Variants in DPYD observed in about 807,000 individuals in gnomAD.
DPYD encodes dihydropyrimidine dehydrogenase.
In DPYD, 109 loss-of-function variants were observed where a neutral mutation model predicts 116.2. That is an observed-to-expected ratio of 0.94 (90% CI 0.80 to 1.10). The LOEUF (loss-of-function observed/expected upper bound fraction) is 1.10, where lower values mean the gene tolerates loss of function less well. Ranked by LOEUF, DPYD falls within the 50% of genes least tolerant of loss-of-function variation. The probability of loss-of-function intolerance (pLI) is 0.00; values close to 1 mark genes in which losing one functional copy is unlikely to be tolerated. For missense variants in DPYD, 1,302 were observed against 1,254.5 expected, an observed-to-expected ratio of 1.04 and a Z score of -0.57; for synonymous variants, 440 against 432.0, an observed-to-expected ratio of 1.02 and a Z score of -0.23.
At chr1:97,179,856 T>C (rs538245820) in intron 20 of DPYD, among the ~76,000 whole-genome samples, 1 of 152,228 alleles carries the variant, frequency 6.6e-6, no homozygotes, top group Non-Finnish European at 1.5e-5. Flanking sequence ...AGAGTGGATA[T>C]TTGATAATTA....
intron 19 of DPYD, among the ~76,000 whole-genome samples, chr1:97,199,783 T>C (rs920784563): frequency 1.3e-5 from 2 of 152,154 alleles, no homozygotes; most frequent in East Asian, 3.9e-4. Flanking sequence ...GATGATAACA[T>C]CTTATTGTTG....
intron 3 of DPYD, among the ~76,000 whole-genome samples, chr1:97,777,692 T>C (rs1290400688): frequency 6.6e-6 from 1 of 152,096 alleles, no homozygotes; most frequent in East Asian, 1.9e-4. Context: ...ATAATATTGG[T>C]AGGAAATTTA....
At chr1:97,131,952 G>A (rs1259699418) in intron 20 of DPYD, among the ~76,000 whole-genome samples, 1 of 152,032 alleles carries the variant, frequency 6.6e-6, no homozygotes, top group East Asian at 1.9e-4. Context: ...AAGACAAATG[G>A]TTGCCAGGGT....
chr1:97,304,736 T>C (rs1170151838), intron 18 of DPYD, among the ~76,000 whole-genome samples: 1 of 151,960 alleles, frequency 6.6e-6, no homozygotes, highest in African/African-American at 2.4e-5. Context: ...TCTTTCTTTT[T>C]CAAATTCAAG....
At chr1:97,490,827 T>TAA (rs33972983) in intron 13 of DPYD, among the ~76,000 whole-genome samples, 43,527 of 143,980 alleles carry the variant, frequency 0.3, 6,536 homozygotes, top group East Asian at 0.49. Flanking sequence ...AATGTAATGC[T>TAA]AAAAAAAAAA....
intron 5 of DPYD, among the ~76,000 whole-genome samples, chr1:97,706,446 T>G (rs1661961733): frequency 6.6e-6 from 1 of 152,036 alleles, no homozygotes; most frequent in African/African-American, 2.4e-5. Context: ...ATTATGAAAA[T>G]AGCATCATAG....
chr1:97,288,875 T>G (rs975288535), intron 18 of DPYD, among the ~76,000 whole-genome samples: 7 of 151,544 alleles, frequency 4.6e-5, no homozygotes, highest in Non-Finnish European at 8.8e-5. Flanking sequence ...AAAAAACCCT[T>G]CAAAAAATTA....
rs969252097 is a variant in DPYD at position 97,305,520 on chromosome 1, A to T, written c.2180-142T>A. On this transcript the variant is annotated intron_variant, in intron 17 of 22. Transcript: ENST00000370192. ...CTCCTCAAAGTTCTTCACTAATTTA[A>T]CTCCTACATTTATGTTTAAAATTTT... 8 of 1,114,724 alleles carry T rather than the reference A, an allele frequency of 7.2e-6. No homozygotes were observed. In the African/African-American group the frequency reaches 9.4e-5, roughly 13 times the overall value. The allele number at this position is 1,114,724 out of a possible 1,614,324, so 69.1% of individuals were successfully genotyped here.
chr1:97,656,310 T>C (rs889838867), intron 8 of DPYD, among the ~76,000 whole-genome samples: 3 of 152,188 alleles, frequency 2.0e-5, no homozygotes, highest in Non-Finnish European at 4.4e-5. Context: ...GGTCTAGACA[T>C]TGGGTTTATC....
chr1:97,625,362 G>A (rs1656870662), intron 8 of DPYD, among the ~76,000 whole-genome samples: 2 of 152,086 alleles, frequency 1.3e-5, no homozygotes, highest in South Asian at 2.1e-4. Flanking sequence ...AAACACTGTT[G>A]TTTATAAGCA....
At position 97,391,479 on chromosome 1, in the gene DPYD, A is replaced by T. The variant is rs141881989; in HGVS notation, c.1906-9018T>A. 1.1e-3 allele frequency among the ~76,000 whole-genome samples: 167 copies of T among 152,106 alleles called. 1 individual carries two copies. Among genetic ancestry groups the T allele is most frequent in the African/African-American group, 3.8e-3 (156 of 41,542 alleles). On this transcript the variant is annotated intron_variant, in intron 14 of 22. Coordinates refer to ENST00000370192, the MANE Select transcript of DPYD (RefSeq NM_000110.4). ...CATTGAAATTACCTAGAGAGTTAAA[A>T]AATAATAATAATTCCAAGGATTCTG...
In DPYD at chr1:97,806,370, T is replaced by A. The variant is rs557878558; in HGVS notation, c.233+21744A>T. Among the ~76,000 whole-genome samples, 3 of 151,980 alleles carry A rather than the reference T, an allele frequency of 2.0e-5. No homozygotes were observed. The South Asian group carries it at 6.2e-4, about 32-fold the overall frequency. ...ATACAAGTGGGTATAAAATAGTATG[T>A]TACTGTCGTTTTAATTTGTGTTTTC... On this transcript the variant is annotated intron_variant, in intron 3 of 22. Transcript: ENST00000370192.
intron 3 of DPYD, among the ~76,000 whole-genome samples, chr1:97,760,640 T>C (rs182715518): frequency 3.6e-4 from 55 of 152,222 alleles, no homozygotes; most frequent in African/African-American, 9.9e-4. Flanking sequence ...CTGGGGATCA[T>C]AGAACCTTGG....
intron 10 of DPYD, among the ~76,000 whole-genome samples, chr1:97,585,672 G>A (rs1164274856): frequency 9.9e-5 from 15 of 152,046 alleles, no homozygotes; most frequent in Admixed American, 9.8e-4. Context: ...CATATACATT[G>A]ACTAATGTGT....
chr1:97,559,156 T>C (rs1325980651), intron 11 of DPYD, among the ~76,000 whole-genome samples: 1 of 152,114 alleles, frequency 6.6e-6, no homozygotes, highest in East Asian at 1.9e-4. Flanking sequence ...AAATATTTTT[T>C]GTATACTTCT....
chr1:97,737,163 G>T (rs1664006521), intron 4 of DPYD, among the ~76,000 whole-genome samples: 1 of 152,046 alleles, frequency 6.6e-6, no homozygotes, highest in South Asian at 2.1e-4. Flanking sequence ...CTGGTCAAAG[G>T]AGATAGAGGT....
intron 5 of DPYD, chr1:97,700,076 A>G: frequency 2.8e-6 from 1 of 356,090 alleles, no homozygotes; most frequent in South Asian, 2.2e-5. Flanking sequence ...TAGTTGAAAC[A>G]TTCAAGAACT....
chr1:97,267,944 C>A (rs2100878327), intron 18 of DPYD, among the ~76,000 whole-genome samples: 1 of 152,220 alleles, frequency 6.6e-6, no homozygotes, highest in South Asian at 2.1e-4. Flanking sequence ...AGGCACAATT[C>A]ATCTTGAGGC....
chr1:97,287,823 G>C (rs572718451), intron 18 of DPYD, among the ~76,000 whole-genome samples: 2 of 152,160 alleles, frequency 1.3e-5, no homozygotes, highest in Non-Finnish European at 2.9e-5. Context: ...TTTTCCAGGT[G>C]CCATCTGTCA....
Sources: allele counts gnomAD v4.1 joint callset (sites outside exome capture counted in the v4.1 genomes callset), GRCh38; gene constraint gnomAD v4.1.1; transcripts MANE v1.5; gene names NCBI Gene and HGNC (gene_info 2026-07-23, HGNC 2026-07-21).